The following IQUB variants were observed in gnomAD, a reference collection of about 807,000 sequenced individuals.
IQUB encodes IQ motif and ubiquitin-like domain-containing protein.
A neutral mutation model predicts 86.4 loss-of-function variants in IQUB; 86 were observed. The observed-to-expected ratio is 1.00, with a 90% CI of 0.84 to 1.19. The LOEUF (loss-of-function observed/expected upper bound fraction) is 1.19. IQUB is among the 50% of genes most tolerant of loss of function. The pLI, the probability that IQUB is intolerant of heterozygous loss-of-function variation, is 0.00. For missense variants in IQUB, 946 were observed against 916.9 expected (o/e 1.03, Z -0.41); for synonymous variants, 289 against 304.5 (o/e 0.95, Z 0.53).
At chr7:123,453,003 C>G in intron 12 of IQUB, 78 bp from the exon 13 acceptor site, 1 of 1,070,494 alleles carries the variant, frequency 9.3e-7, no homozygotes, top group South Asian at 1.7e-5. Flanking sequence ...TGCCTCGGTG[C>G]CTTTGCTTGT....
Position 123,469,218 on chromosome 7 carries a change from A to AC in IQUB, c.1576dup (p.Val526GlyfsTer5). ...ACTAAGAGAAAGTTAACATACCTTT[A>AC]CAGTGTGTTTAAGAGTTAACAGCAC... is the stretch of plus-strand genomic sequence containing the variant. On this transcript the variant is annotated frameshift_variant, in exon 9 of 13. Coordinates refer to ENST00000324698, the MANE Select transcript of IQUB (RefSeq NM_178827.5). LOFTEE classifies it high-confidence loss of function. 6.4e-7 allele frequency: 1 copy of AC among 1,560,952 alleles called. No individual in the cohort carries two copies. Among genetic ancestry groups the AC allele is most frequent in the South Asian group, 1.3e-5 (1 of 79,820 alleles).
chr7:123,468,376 T>C (rs1196471096), intron 9 of IQUB, among the ~76,000 whole-genome samples: 2 of 152,338 alleles, frequency 1.3e-5, no homozygotes, highest in South Asian at 2.1e-4. Context: ...GAGCTAATCC[T>C]GAAACCTACA....
intron 11 of IQUB, chr7:123,457,868 T>C (rs904439839): frequency 8.4e-5 from 19 of 226,472 alleles, no homozygotes; most frequent in Admixed American, 4.8e-4. Context: ...AATAAACATA[T>C]GGTATTGAAT....
At chr7:123,480,114 T>A (rs1794938793) in intron 7 of IQUB, 144 bp from the exon 8 acceptor site, 4 of 623,412 alleles carry the variant, frequency 6.4e-6, no homozygotes, top group Non-Finnish European at 1.1e-5. Context: ...ACCTGATGCA[T>A]GAAAAAAGTG....
intron 8 of IQUB, among the ~76,000 whole-genome samples, chr7:123,477,774 G>A (rs1794811848): frequency 6.6e-6 from 1 of 152,086 alleles, no homozygotes; most frequent in African/African-American, 2.4e-5. Flanking sequence ...ATCAAAAAGT[G>A]GGCATAGGAT....
intron 10 of IQUB, among the ~76,000 whole-genome samples, chr7:123,462,257 G>C (rs996540815): frequency 1.3e-5 from 2 of 151,686 alleles, no homozygotes; most frequent in Admixed American, 6.6e-5. Flanking sequence ...TGGTTTCCAT[G>C]AAAGTAAAGA....
chr7:123,516,612 T>A (rs1198623586), intron 1 of IQUB, among the ~76,000 whole-genome samples: 1 of 152,136 alleles, frequency 6.6e-6, no homozygotes, highest in African/African-American at 2.4e-5. Flanking sequence ...TGTTTCTATT[T>A]GGATAAAGAA....
In IQUB at chr7:123,512,278, A is replaced by T. The variant is rs772191859; in HGVS notation, c.63T>A (p.Asp21Glu). Residue 21 changes from aspartate to glutamate, a missense_variant, in exon 2 of 13, where the codon GAT becomes GAA. Asp to Glu is a conservative substitution (Grantham distance 45, BLOSUM62 2). Transcript: ENST00000324698. ...GAATAGTGACAGTATCAAAAGCATCATCACTCTCTTCTGTTGAATTGACTA... is the reference window on the plus strand; with the variant it reads ...GAATAGTGACAGTATCAAAAGCATCTTCACTCTCTTCTGTTGAATTGACTA... ...QNIVNSTEES[D>E]DAFDTVTIPV... 1.2e-5 allele frequency: 20 copies of T among 1,610,974 alleles called. No homozygotes were observed. In the South Asian group the frequency reaches 2.0e-4, roughly 16 times the overall value.
chr7:123,511,641 C>A lies in IQUB; in HGVS notation c.397+303G>T, dbSNP rs10254621. On this transcript the variant is annotated intron_variant, in intron 2 of 12. Transcript: ENST00000324698. ...TAATTCCCATTTTAGTCAATAATTT[C>A]TCCATCATTTTCCAAGGTGGTAAAC... Among the ~76,000 whole-genome samples, 820 of 152,274 alleles carry A rather than the reference C, an allele frequency of 5.4e-3. 4 individuals carry two copies. The highest frequency in any genetic ancestry group is 0.018 in the African/African-American group (759 of 41,562).
intron 12 of IQUB, among the ~76,000 whole-genome samples, chr7:123,453,582 A>G (rs1049595412): frequency 1.3e-5 from 2 of 151,938 alleles, no homozygotes; most frequent in African/African-American, 4.8e-5. Flanking sequence ...TCCTATCACT[A>G]AGAGCCCACC....
At chr7:123,534,194 T>C (rs1797658954) in intron 1 of IQUB, among the ~76,000 whole-genome samples, 1 of 152,280 alleles carries the variant, frequency 6.6e-6, no homozygotes, top group Non-Finnish European at 1.5e-5. Context: ...ACATCTTCTA[T>C]GCAATTACCG....
At chr7:123,512,419 T>C (rs1292776699) in intron 1 of IQUB, 75 bp from the exon 2 acceptor site, 18 of 813,048 alleles carry the variant, frequency 2.2e-5, no homozygotes, top group East Asian at 7.8e-5. Context: ...ATTGCTAGTA[T>C]AGAGTAACAT....
intron 2 of IQUB, among the ~76,000 whole-genome samples, chr7:123,511,280 C>T (rs79285256): frequency 0.081 from 12,319 of 152,092 alleles, 571 homozygotes; most frequent in African/African-American, 0.12. Context: ...ATTCACAAGA[C>T]GGAAAAGGAG....
intron 1 of IQUB, among the ~76,000 whole-genome samples, chr7:123,530,743 C>T (rs1181624516): frequency 7.4e-6 from 1 of 134,614 alleles, no homozygotes; most frequent in African/African-American, 2.8e-5. Flanking sequence ...GTGGCGCGAT[C>T]TTGGCTTACT....
intron 1 of IQUB, among the ~76,000 whole-genome samples, chr7:123,533,543 TGA>T (rs773925163): frequency 1.2e-4 from 18 of 152,258 alleles, no homozygotes; most frequent in South Asian, 4.1e-4. Flanking sequence ...TTTTTGCTTA[TGA>T]GAGTTTCCAA....
In IQUB at chr7:123,473,075, G is replaced by A. The variant is rs12671346; in HGVS notation, c.1411-3691C>T. 4.7e-4 allele frequency among the ~76,000 whole-genome samples: 72 copies of A among 152,254 alleles called. 2 individuals carry two copies. The East Asian group carries it at 0.014, about 29-fold the overall frequency. ...CAGGCTTCCACAAAAAAGAAGAAAT[G>A]ACTGCACTAGGAAAGTAGATATTTT... On this transcript the variant is annotated intron_variant, in intron 8 of 12. Transcript: ENST00000324698.
intron 7 of IQUB, among the ~76,000 whole-genome samples, chr7:123,495,493 A>G (rs1795666906): frequency 6.6e-6 from 1 of 152,168 alleles, no homozygotes; most frequent in African/African-American, 2.4e-5. Context: ...GTATGTAATG[A>G]AACAAACAAA....
chr7:123,512,876 C>G (rs911954212), intron 1 of IQUB, among the ~76,000 whole-genome samples: 2 of 152,154 alleles, frequency 1.3e-5, no homozygotes, highest in African/African-American at 4.8e-5. Context: ...TTGGAGCTGA[C>G]TAGACCCACA....
At chr7:123,469,567 CAAAT>C (rs1794435264) in intron 8 of IQUB, among the ~76,000 whole-genome samples, 183 bp from the exon 9 acceptor site, 1 of 151,852 alleles carries the variant, frequency 6.6e-6, no homozygotes, top group Non-Finnish European at 1.5e-5. Flanking sequence ...TAGAAAAAAA[CAAAT>C]AAGAATGACA....
Sources: allele counts gnomAD v4.1 joint callset (sites outside exome capture counted in the v4.1 genomes callset), GRCh38; gene constraint gnomAD v4.1.1; transcripts MANE v1.5; gene names NCBI Gene and HGNC (gene_info 2026-07-23, HGNC 2026-07-21).